Variants in TEX36 observed in about 807,000 individuals in gnomAD.
TEX36 encodes testis expressed 36.
In TEX36, 12 loss-of-function variants were observed where a neutral mutation model predicts 13.6. The ratio of observed to expected loss-of-function variants is 0.88; its 90% CI spans 0.56 to 1.43. The LOEUF is 1.43. TEX36 is among the 40% of genes most tolerant of loss of function. The probability of loss-of-function intolerance (pLI) is 0.00; values close to 1 mark genes in which losing one functional copy is unlikely to be tolerated. For missense variants in TEX36, 224 were observed against 228.3 expected (o/e 0.98, Z 0.12); for synonymous variants, 93 against 83.0 (o/e 1.12, Z -0.65).
downstream of TEX36, among the ~76,000 whole-genome samples, chr10:125,618,804 G>A (rs890366979): frequency 4.0e-5 from 6 of 151,894 alleles, no homozygotes; most frequent in Non-Finnish European, 8.8e-5. Context: ...CTGCAGTGAC[G>A]GTGTTAAAGA....
At chr10:125,639,485 A>T (rs1846657368) in intron 3 of TEX36, among the ~76,000 whole-genome samples, 1 of 151,416 alleles carries the variant, frequency 6.6e-6, no homozygotes, top group Admixed American at 6.6e-5. Context: ...ATAAAAAAAA[A>T]TTGTCACCGA....
chr10:125,591,518 C>T (rs187914186), intron 3 of TEX36, among the ~76,000 whole-genome samples: 1 of 152,308 alleles, frequency 6.6e-6, no homozygotes, highest in African/African-American at 2.4e-5. Context: ...CCTGGAGTGT[C>T]CTGTAGTACT....
intron 3 of TEX36, among the ~76,000 whole-genome samples, chr10:125,616,098 T>C (rs548769007): frequency 6.6e-6 from 1 of 152,224 alleles, no homozygotes; most frequent in Non-Finnish European, 1.5e-5. Flanking sequence ...TCTCTGATGG[T>C]AGTTTGTATT....
At chr10:125,588,120 T>A (rs1845979974) in intron 3 of TEX36, among the ~76,000 whole-genome samples, 1 of 152,226 alleles carries the variant, frequency 6.6e-6, no homozygotes, top group African/African-American at 2.4e-5. Flanking sequence ...TGTGAGTATA[T>A]CTCTAGGATA....
At chr10:125,634,889 G>A (rs2133570041) in intron 3 of TEX36, among the ~76,000 whole-genome samples, 1 of 152,316 alleles carries the variant, frequency 6.6e-6, no homozygotes, top group South Asian at 2.1e-4. Context: ...TGTAGCTTGG[G>A]AGGAAGATGA....
intron 3 of TEX36, among the ~76,000 whole-genome samples, chr10:125,615,158 C>T (rs1375631944): frequency 6.6e-6 from 1 of 152,060 alleles, no homozygotes; most frequent in African/African-American, 2.4e-5. Flanking sequence ...GCTGAAGTTG[C>T]TTATCAGCTT....
chr10:125,587,775 T>C (rs918904123), intron 3 of TEX36, among the ~76,000 whole-genome samples: 3 of 141,744 alleles, frequency 2.1e-5, no homozygotes, highest in Non-Finnish European at 3.0e-5. Flanking sequence ...AGCGAAGCTC[T>C]GTCTCAAAAT....
At chr10:125,604,144 A>G (rs527317111) in intron 3 of TEX36, among the ~76,000 whole-genome samples, 2 of 152,112 alleles carry the variant, frequency 1.3e-5, no homozygotes, top group Admixed American at 1.3e-4. Context: ...AGGAGAAAGA[A>G]CTCTCAATGG....
chr10:125,643,516 G>A (rs1301845932), intron 3 of TEX36, among the ~76,000 whole-genome samples: 19 of 152,286 alleles, frequency 1.2e-4, no homozygotes, highest in Admixed American at 4.6e-4. Flanking sequence ...GGCTGAGGAG[G>A]GCGGATCACG....
intron 3 of TEX36, among the ~76,000 whole-genome samples, chr10:125,657,223 G>C (rs1031000184): frequency 7.9e-5 from 12 of 152,138 alleles, no homozygotes; most frequent in African/African-American, 2.9e-4. Context: ...TTTGCAGCAG[G>C]AGATGCAAGC....
chr10:125,681,533 A>G (rs1438845718), intron 1 of TEX36, among the ~76,000 whole-genome samples: 2 of 152,208 alleles, frequency 1.3e-5, no homozygotes, highest in African/African-American at 4.8e-5. Context: ...GTGCCCAAAT[A>G]TCTACCATAT....
Position 125,682,925 on chromosome 10 carries a change from A to G in TEX36, c.51+14T>C. 6.4e-7 allele frequency: 1 copy of G among 1,551,742 alleles called. No homozygotes were observed. The highest frequency in any genetic ancestry group is 8.7e-7 in the Non-Finnish European group (1 of 1,146,992). On this transcript the variant is annotated intron_variant, in intron 1 of 3. Coordinates refer to ENST00000368821, the MANE Select transcript of TEX36 (RefSeq NM_001128202.3). ...TGGCATGAGAAAGGCACCAGGGGCC[A>G]CCATCTTCCTTACCCATCTCCCATC...
intron 3 of TEX36, among the ~76,000 whole-genome samples, chr10:125,599,059 A>G: frequency 6.6e-6 from 1 of 152,078 alleles, no homozygotes; most frequent in East Asian, 1.9e-4. Flanking sequence ...CTGAAGAGTC[A>G]CTCACTGAAA....
chr10:125,619,787 C>A (rs1219511479), downstream of TEX36, among the ~76,000 whole-genome samples: 1 of 151,824 alleles, frequency 6.6e-6, no homozygotes, highest in Non-Finnish European at 1.5e-5. Flanking sequence ...GAACTCCTTA[C>A]CTCATGATCC....
intron 3 of TEX36, among the ~76,000 whole-genome samples, chr10:125,598,040 C>T (rs868406723): frequency 7.9e-5 from 12 of 152,120 alleles, no homozygotes; most frequent in Admixed American, 2.0e-4. Context: ...GAAATTTGTC[C>T]TTTATCTCCA....
intron 1 of TEX36, among the ~76,000 whole-genome samples, chr10:125,679,618 A>G (rs1453021250): frequency 1.5e-4 from 23 of 152,048 alleles, no homozygotes; most frequent in Admixed American, 1.5e-3. Context: ...CCCTTTCCCC[A>G]TGTTGGGAAG....
intron 3 of TEX36, among the ~76,000 whole-genome samples, chr10:125,591,190 G>A: frequency 6.6e-6 from 1 of 152,196 alleles, no homozygotes; most frequent in Non-Finnish European, 1.5e-5. Flanking sequence ...GAAAAAGTGA[G>A]TTACTAAAGG....
chr10:125,647,883 C>G (rs1007144933), intron 3 of TEX36, among the ~76,000 whole-genome samples: 5 of 152,188 alleles, frequency 3.3e-5, no homozygotes, highest in African/African-American at 1.2e-4. Flanking sequence ...GAGGGTCCCA[C>G]GCCCACAGAG....
At chr10:125,619,373 C>A (rs1846399889), downstream of TEX36, among the ~76,000 whole-genome samples, 1 of 151,974 alleles carries the variant, frequency 6.6e-6, no homozygotes, top group Non-Finnish European at 1.5e-5. Context: ...GCAGGCACCA[C>A]CTCTGCAGGG....
Sources: allele counts gnomAD v4.1 joint callset (sites outside exome capture counted in the v4.1 genomes callset), GRCh38; gene constraint gnomAD v4.1.1; transcripts MANE v1.5; gene names NCBI Gene and HGNC (gene_info 2026-07-23, HGNC 2026-07-21).